Variants in DPYD observed in about 807,000 individuals in gnomAD.
DPYD encodes the protein dihydropyrimidine dehydrogenase.
A neutral mutation model predicts 116.2 loss-of-function variants in DPYD; 109 were observed. The observed-to-expected ratio is 0.94, with a 90% CI of 0.80 to 1.10. DPYD has a LOEUF of 1.10. DPYD is among the 50% of genes least tolerant of loss of function. DPYD has a pLI of 0.00. For missense variants in DPYD, 1,302 were observed against 1,254.5 expected (o/e 1.04, Z -0.57); for synonymous variants, 440 against 432.0 (o/e 1.02, Z -0.23).
chr1:97,823,034 A>G (rs1338434447), intron 3 of DPYD, among the ~76,000 whole-genome samples: 1 of 152,240 alleles, frequency 6.6e-6, no homozygotes, highest in Non-Finnish European at 1.5e-5. Flanking sequence ...ATAGTTGCAC[A>G]TATTTATTGG....
chr1:97,711,317 C>T (rs1410716259), intron 5 of DPYD, among the ~76,000 whole-genome samples: 1 of 151,828 alleles, frequency 6.6e-6, no homozygotes, highest in Non-Finnish European at 1.5e-5. Context: ...AAATCATATG[C>T]TCAGGACACT....
chr1:97,432,548 C>T (rs145887202), intron 14 of DPYD, among the ~76,000 whole-genome samples: 305 of 151,932 alleles, frequency 2.0e-3, no homozygotes, highest in Non-Finnish European at 3.1e-3. Flanking sequence ...GGTTATTTTA[C>T]GTCTCTATCT....
At chr1:97,546,561 A>G (rs1010957498) in intron 12 of DPYD, 66 of 1,603,112 alleles carry the variant, frequency 4.1e-5, no homozygotes, top group Non-Finnish European at 4.7e-5. Context: ...AGAGCGCTCT[A>G]TTGGAAACCA....
intron 2 of DPYD, among the ~76,000 whole-genome samples, chr1:97,876,898 C>T (rs1275753790): frequency 6.6e-6 from 1 of 151,970 alleles, no homozygotes; most frequent in African/African-American, 2.4e-5. Context: ...CCATCCTTCC[C>T]ACCCAGTCTA....
intron 8 of DPYD, among the ~76,000 whole-genome samples, chr1:97,654,834 G>A (rs1265887025): frequency 2.0e-5 from 3 of 152,092 alleles, no homozygotes; most frequent in Non-Finnish European, 2.9e-5. Context: ...GTTCCATGTG[G>A]ACTGAGCTCG....
chr1:97,469,342 G>A (rs1677497969), intron 13 of DPYD, among the ~76,000 whole-genome samples: 1 of 128,772 alleles, frequency 7.8e-6, no homozygotes, highest in Admixed American at 9.7e-5. Context: ...ATACACTGCA[G>A]CCTTCCAGAA....
intron 19 of DPYD, among the ~76,000 whole-genome samples, chr1:97,213,442 C>A (rs1246429754): frequency 2.0e-5 from 3 of 152,118 alleles, no homozygotes; most frequent in Non-Finnish European, 4.4e-5. Flanking sequence ...TTTATGTTCT[C>A]TTAATGATCG....
intron 13 of DPYD, among the ~76,000 whole-genome samples, chr1:97,459,878 CTAAA>C (rs1676920523): frequency 1.3e-5 from 2 of 151,922 alleles, no homozygotes; most frequent in South Asian, 2.1e-4. Context: ...ATAAACAAAA[CTAAA>C]TAGTACACTG....
chr1:97,720,814 T>C, intron 5 of DPYD: 1 of 1,577,242 alleles, frequency 6.3e-7, no homozygotes, highest in South Asian at 1.2e-5. Flanking sequence ...AAATGATACA[T>C]GGGAATTAAC....
chr1:97,478,786 A>G (rs1317189655), intron 13 of DPYD, among the ~76,000 whole-genome samples: 2 of 152,230 alleles, frequency 1.3e-5, no homozygotes, highest in Non-Finnish European at 2.9e-5. Context: ...GTCTACATCG[A>G]AAATCTGTTA....
intron 18 of DPYD, among the ~76,000 whole-genome samples, chr1:97,242,234 C>T (rs1662424192): frequency 7.2e-6 from 1 of 138,902 alleles, no homozygotes; most frequent in Non-Finnish European, 1.5e-5. Flanking sequence ...ACATATACAA[C>T]AATGTTCCTG....
At position 97,795,205 on chromosome 1, in the gene DPYD, A is replaced by G. The variant is rs12041906; in HGVS notation, c.233+32909T>C. ...GTGGCAGAAAAATTTACATGAGAAAATAATTATTTTTAATTTCCTACCCTC... is the reference window on the plus strand; with the variant it reads ...GTGGCAGAAAAATTTACATGAGAAAGTAATTATTTTTAATTTCCTACCCTC... On this transcript the variant is annotated intron_variant, in intron 3 of 22. Transcript: ENST00000370192. 4.0e-4 allele frequency among the ~76,000 whole-genome samples: 61 copies of G among 152,154 alleles called. No individual in the cohort carries two copies. In the East Asian group the frequency reaches 0.011, roughly 28 times the overall value.
chr1:97,786,517 C>A (rs982989646), intron 3 of DPYD, among the ~76,000 whole-genome samples: 2 of 152,048 alleles, frequency 1.3e-5, no homozygotes, highest in Non-Finnish European at 2.9e-5. Flanking sequence ...TATTTTATAC[C>A]AAAGGACCAT....
intron 5 of DPYD, among the ~76,000 whole-genome samples, chr1:97,711,120 G>A (rs895407692): frequency 3.3e-5 from 5 of 151,604 alleles, no homozygotes; most frequent in Non-Finnish European, 5.9e-5. Context: ...AAAAATCTTC[G>A]ACTTTAGGTA....
intron 7 of DPYD, among the ~76,000 whole-genome samples, chr1:97,688,335 A>T (rs1660843048): frequency 6.6e-6 from 1 of 152,146 alleles, no homozygotes; most frequent in Non-Finnish European, 1.5e-5. Context: ...GGCACAGATG[A>T]CATATTTTTA....
At chr1:97,626,423 G>A (rs751724545) in intron 8 of DPYD, among the ~76,000 whole-genome samples, 4 of 151,310 alleles carry the variant, frequency 2.6e-5, no homozygotes, top group Admixed American at 6.6e-5. Flanking sequence ...CAATGACTAC[G>A]ACTGTTTACT....
chr1:97,632,307 G>A (rs927465509), intron 8 of DPYD, among the ~76,000 whole-genome samples: 3 of 152,116 alleles, frequency 2.0e-5, no homozygotes, highest in Non-Finnish European at 4.4e-5. Context: ...CGTTATCATA[G>A]CTTAATAAAT....
At chr1:97,322,535 T>A (rs568386553) in intron 16 of DPYD, among the ~76,000 whole-genome samples, 53 of 152,142 alleles carry the variant, frequency 3.5e-4, no homozygotes, top group Non-Finnish European at 5.4e-4. Flanking sequence ...AGTGTAGTAT[T>A]CACAAATTCA....
chr1:97,118,354 A>G (rs1285138624), intron 20 of DPYD, among the ~76,000 whole-genome samples: 1 of 151,916 alleles, frequency 6.6e-6, no homozygotes, highest in Non-Finnish European at 1.5e-5. Context: ...CCTGTCGTTA[A>G]CCTTCTGCTT....
Sources: allele counts gnomAD v4.1 joint callset (sites outside exome capture counted in the v4.1 genomes callset), GRCh38; gene constraint gnomAD v4.1.1; transcripts MANE v1.5; gene names NCBI Gene and HGNC (gene_info 2026-07-23, HGNC 2026-07-21).